Variants in DCDC2 observed in about 807,000 individuals in gnomAD.
DCDC2 encodes the protein doublecortin domain containing 2.
Under a neutral mutation model 50.2 loss-of-function variants are expected in DCDC2, and 40 were observed. The ratio of observed to expected loss-of-function variants is 0.80; its 90% CI spans 0.62 to 1.04. DCDC2 has a LOEUF of 1.04. DCDC2 is among the 50% of genes least tolerant of loss of function. DCDC2 has a pLI of 0.00. For missense variants in DCDC2, 570 were observed against 581.9 expected (o/e 0.98, Z 0.21); for synonymous variants, 234 against 210.6 (o/e 1.11, Z -0.96).
chr6:24,371,537 G>A, the DCDC2 span, among the ~76,000 whole-genome samples: 3 of 152,130 alleles, frequency 2.0e-5, no homozygotes, highest in Non-Finnish European at 4.4e-5. Context: ...GAGACTGGGA[G>A]GCAGAGGTTG....
the DCDC2 span, among the ~76,000 whole-genome samples, chr6:24,365,439 C>G: frequency 1.3e-5 from 2 of 152,020 alleles, no homozygotes; most frequent in Non-Finnish European, 2.9e-5. Flanking sequence ...TTACAGGTGC[C>G]TGGCACCATG....
chr6:24,237,729 C>G (rs1762477745), intron 7 of DCDC2, among the ~76,000 whole-genome samples: 1 of 152,106 alleles, frequency 6.6e-6, no homozygotes. Flanking sequence ...CCCTGGAAAA[C>G]AATGCAGCCA....
chr6:24,357,730 C>G lies in DCDC2; in HGVS notation c.21G>C (p.Arg7Ser). The change falls in exon 1 of 10, where the codon AGG (arginine) becomes AGC (serine). Residue 7 changes from arginine to serine, a missense_variant. Transcript: ENST00000378454. Reference protein sequence around the residue: MSGSSARSSHLSQPVVK... With the variant: MSGSSASSSHLSQPVVK... ...CGACGGGCTGAGACAGGTGGCTGGA[C>G]CTGGCGCTGCTGCCGCTCATCTTCC... The G allele has an allele frequency of 6.2e-7, 1 of 1,612,494 alleles. No individual in the cohort carries two copies. Among genetic ancestry groups the G allele is most frequent in the Non-Finnish European group, 8.5e-7 (1 of 1,179,424 alleles).
chr6:24,333,334 G>T (rs771408359), intron 2 of DCDC2, among the ~76,000 whole-genome samples: 1 of 152,128 alleles, frequency 6.6e-6, no homozygotes, highest in African/African-American at 2.4e-5. Flanking sequence ...AAAAGGAAGT[G>T]TTAGACTGTG....
intron 7 of DCDC2, among the ~76,000 whole-genome samples, chr6:24,273,009 TACAC>T (rs60162257): frequency 0.054 from 8,052 of 149,380 alleles, 245 homozygotes; most frequent in African/African-American, 0.086. Flanking sequence ...TATAAAGACA[TACAC>T]ACACACACAC....
At chr6:24,329,524 T>C (rs1759930627) in intron 2 of DCDC2, among the ~76,000 whole-genome samples, 1 of 152,178 alleles carries the variant, frequency 6.6e-6, no homozygotes, top group African/African-American at 2.4e-5. Flanking sequence ...TGGTAATAAC[T>C]TGGAACTTAA....
Position 24,301,465 on chromosome 6 carries a change from G to T in DCDC2, c.557+250C>A, listed in dbSNP as rs188861660. ...GTTTGCCTAGTCACTCTAAATCAAA[G>T]AATAAAAATCGTTAATATTTGTAGA... On this transcript the variant is annotated intron_variant, in intron 4 of 9. Coordinates refer to ENST00000378454, the MANE Select transcript of DCDC2 (RefSeq NM_016356.5). 5.0e-3 allele frequency among the ~76,000 whole-genome samples: 734 copies of T among 146,448 alleles called. 11 individuals carry two copies. The highest frequency in any genetic ancestry group is 0.018 in the African/African-American group (702 of 39,388).
In DCDC2 at chr6:24,301,951, A is replaced by G. The variant is rs1362734350; in HGVS notation, c.425+17T>C. 1.9e-6 allele frequency: 3 copies of G among 1,612,940 alleles called. No individual in the cohort carries two copies. Among genetic ancestry groups the G allele is most frequent in the African/African-American group, 1.3e-5 (1 of 74,806 alleles). ...CCAAGCCAATTTTAACTTGAAGTAT[A>G]AAGGGTTTCAACTTACAAGATAGTG... On this transcript the variant is annotated intron_variant, in intron 3 of 9. Coordinates refer to ENST00000378454, the MANE Select transcript of DCDC2 (RefSeq NM_016356.5).
At chr6:24,186,339 C>A (rs543325880) in intron 8 of DCDC2, among the ~76,000 whole-genome samples, 3 of 152,290 alleles carry the variant, frequency 2.0e-5, no homozygotes, top group South Asian at 4.1e-4. Context: ...ATCTTCCCAA[C>A]CTGTGGGCAG....
chr6:24,190,526 A>G (rs1386619136), intron 8 of DCDC2, among the ~76,000 whole-genome samples: 2 of 152,188 alleles, frequency 1.3e-5, no homozygotes, highest in African/African-American at 4.8e-5. Context: ...CTTAAAGTAT[A>G]ATAAAAATAT....
intron 8 of DCDC2, among the ~76,000 whole-genome samples, chr6:24,181,095 AT>A (rs1761061830): frequency 6.6e-6 from 1 of 152,178 alleles, no homozygotes; most frequent in Admixed American, 6.5e-5. Flanking sequence ...TTTTATTCGG[AT>A]GCTTAAGGTC....
chr6:24,338,040 A>G (rs1433134882), intron 2 of DCDC2, among the ~76,000 whole-genome samples: 8 of 152,202 alleles, frequency 5.3e-5, no homozygotes, highest in Non-Finnish European at 4.4e-5. Context: ...TTCTGCATTA[A>G]CACACAATAC....
intron 7 of DCDC2, among the ~76,000 whole-genome samples, chr6:24,215,299 C>T (rs1761950755): frequency 6.6e-6 from 1 of 152,148 alleles, no homozygotes; most frequent in Non-Finnish European, 1.5e-5. Context: ...GTGGCTGCAG[C>T]AAGGCTGTAG....
intron 7 of DCDC2, among the ~76,000 whole-genome samples, chr6:24,254,012 C>T (rs948546282): frequency 1.1e-4 from 16 of 152,172 alleles, no homozygotes; most frequent in Non-Finnish European, 1.6e-4. Context: ...TCTTTATATT[C>T]CTATTCTATA....
At chr6:24,306,875 A>G (rs1465759989) in intron 2 of DCDC2, among the ~76,000 whole-genome samples, 1 of 152,258 alleles carries the variant, frequency 6.6e-6, no homozygotes, top group Non-Finnish European at 1.5e-5. Context: ...CATTCAAGTT[A>G]AAAGCTGGAT....
In DCDC2 at chr6:24,317,831, T is replaced by C. The variant is rs370263426; in HGVS notation, c.349-15787A>G. Reference sequence around the variant, plus strand: ...ACTCTTTATACTCTGATAGAAAAAATGAAAGGACAAGAACAGGCAATTCAT... The same window carrying C: ...ACTCTTTATACTCTGATAGAAAAAACGAAAGGACAAGAACAGGCAATTCAT... On this transcript the variant is annotated intron_variant, in intron 2 of 9. Coordinates refer to ENST00000378454, the MANE Select transcript of DCDC2 (RefSeq NM_016356.5). Among the ~76,000 whole-genome samples the C allele has an allele frequency of 1.2e-4, 18 of 148,960 alleles. No individual in the cohort carries two copies. The East Asian group carries it at 2.0e-3, about 16-fold the overall frequency.
chr6:24,302,940 T>C (rs1403104897), intron 2 of DCDC2, among the ~76,000 whole-genome samples: 7 of 151,992 alleles, frequency 4.6e-5, no homozygotes, highest in African/African-American at 1.7e-4. Context: ...TAGAAGCCAG[T>C]AGACACGAAG....
chr6:24,179,781 C>A (rs987412197), intron 8 of DCDC2, among the ~76,000 whole-genome samples: 19 of 150,130 alleles, frequency 1.3e-4, no homozygotes, highest in African/African-American at 4.7e-4. Context: ...GGTGAAACCC[C>A]ATCTCTACTA....
intron 2 of DCDC2, among the ~76,000 whole-genome samples, chr6:24,311,513 T>A (rs1759570284): frequency 6.6e-6 from 1 of 152,214 alleles, no homozygotes; most frequent in Admixed American, 6.5e-5. Flanking sequence ...ATCAAATACT[T>A]TCCATATGTT....
Sources: allele counts gnomAD v4.1 joint callset (sites outside exome capture counted in the v4.1 genomes callset), GRCh38; gene constraint gnomAD v4.1.1; transcripts MANE v1.5; gene names NCBI Gene and HGNC (gene_info 2026-07-23, HGNC 2026-07-21).